Variants in SETBP1 observed in about 807,000 individuals in gnomAD.
The protein encoded by SETBP1 is SET binding protein 1.
Under a neutral mutation model 101.0 loss-of-function variants are expected in SETBP1, and 9 were observed. The ratio of observed to expected loss-of-function variants is 0.09; its 90% CI spans 0.05 to 0.16. The LOEUF is 0.16. SETBP1 is among the 10% of genes least tolerant of loss of function. The probability of loss-of-function intolerance (pLI) is 1.00; values close to 1 mark genes in which losing one functional copy is unlikely to be tolerated. For synonymous variants in SETBP1, 818 were observed against 788.5 expected, an observed-to-expected ratio of 1.04 and a Z score of -0.63; for missense variants, 1,858 against 2,033.8, an observed-to-expected ratio of 0.91 and a Z score of 1.66.
At chr18:45,005,654 T>C (rs1315215698) in intron 4 of SETBP1, among the ~76,000 whole-genome samples, 1 of 148,154 alleles carries the variant, frequency 6.7e-6, no homozygotes, top group Non-Finnish European at 1.5e-5. Flanking sequence ...TTTTTTTTTT[T>C]TTTTTTTTTT....
rs565214210 is a variant in SETBP1 at position 44,725,712 on chromosome 18, C to G, written c.486+23880C>G. On this transcript the variant is annotated intron_variant, in intron 2 of 5. Transcript: ENST00000649279. The stretch of plus-strand genomic sequence containing the variant: ...TGTGAGGTTGTGGCAGAGCTGGGAC[C>G]TCCTCCCCCTCGGCCCCCTGACTTC... Among the ~76,000 whole-genome samples the G allele has an allele frequency of 2.0e-5, 3 of 152,180 alleles. No homozygotes were observed. In the South Asian group the frequency reaches 6.2e-4, roughly 32 times the overall value.
At chr18:44,923,072 A>G (rs2070617593) in intron 3 of SETBP1, among the ~76,000 whole-genome samples, 1 of 152,206 alleles carries the variant, frequency 6.6e-6, no homozygotes, top group South Asian at 2.1e-4. Flanking sequence ...TACGTTGCAA[A>G]GAAGGATGGT....
chr18:44,782,504 C>A (rs1369148778), intron 2 of SETBP1, among the ~76,000 whole-genome samples: 1 of 151,948 alleles, frequency 6.6e-6, no homozygotes, highest in African/African-American at 2.4e-5. Flanking sequence ...TGAAGAAAGC[C>A]CTGTCAAGAG....
intron 2 of SETBP1, among the ~76,000 whole-genome samples, chr18:44,797,613 A>C (rs769972057): frequency 2.0e-5 from 3 of 152,124 alleles, no homozygotes; most frequent in Non-Finnish European, 2.9e-5. Flanking sequence ...CGAAAATGGT[A>C]GCTCTCTCTT....
chr18:44,761,307 A>G (rs949684680), intron 2 of SETBP1, among the ~76,000 whole-genome samples: 1 of 152,186 alleles, frequency 6.6e-6, no homozygotes, highest in African/African-American at 2.4e-5. Context: ...ATCTTGAACT[A>G]TACACTTCAT....
At chr18:44,995,569 G>GTGTA (rs2072480045) in intron 4 of SETBP1, among the ~76,000 whole-genome samples, 1 of 150,016 alleles carries the variant, frequency 6.7e-6, no homozygotes, top group African/African-American at 2.5e-5. Flanking sequence ...GTGTGTGTGT[G>GTGTA]TGTGTATAAA....
At chr18:45,012,249 A>C (rs894788106) in intron 4 of SETBP1, among the ~76,000 whole-genome samples, 3 of 152,242 alleles carry the variant, frequency 2.0e-5, no homozygotes, top group Non-Finnish European at 4.4e-5. Context: ...AACTAGGTCA[A>C]TCAAGAGGCA....
In SETBP1 at chr18:44,951,880, C is replaced by T. The variant is rs1485191703; in HGVS notation, c.2540C>T (p.Ser847Phe). Reference protein sequence around the residue: ...NSPSHLCEIGSLKEITLSPVS... With the variant: ...NSPSHLCEIGFLKEITLSPVS... The stretch of plus-strand genomic sequence containing the variant: ...CCTTCACACCTGTGCGAGATTGGCT[C>T]CCTAAAGGAAATCACGCTGTCCCCT... The change falls in exon 4 of 6, where the codon TCC (serine) becomes TTC (phenylalanine). Residue 847 changes from serine (S) to phenylalanine (F), a missense_variant. Around this residue, in one of 12 missense-constraint regions of SETBP1, gnomAD observed 121 missense variants for 138.0 expected, o/e 0.88. Transcript: ENST00000649279. This position sits in a 1 kb window ranked among gnomAD's most constrained non-coding sequence, Gnocchi z 7.8. 1.9e-6 allele frequency: 3 copies of T among 1,613,888 alleles called. No homozygotes were observed. Among genetic ancestry groups the T allele is most frequent in the Admixed American group, 1.7e-5 (1 of 59,994 alleles).
intron 1 of SETBP1, among the ~76,000 whole-genome samples, chr18:44,694,082 C>G (rs1350588978): frequency 6.6e-6 from 1 of 152,160 alleles, no homozygotes; most frequent in Non-Finnish European, 1.5e-5. Flanking sequence ...GTGAATCCAA[C>G]AGAAAAGACT....
chr18:44,826,749 G>A (rs2072248316), intron 2 of SETBP1, among the ~76,000 whole-genome samples: 1 of 152,204 alleles, frequency 6.6e-6, no homozygotes, highest in South Asian at 2.1e-4. Flanking sequence ...GAGAGGGGAA[G>A]GAGCTGCGGG....
At chr18:44,869,435 TCTC>T (rs2069218165) in intron 3 of SETBP1, 152 bp downstream of exon 3, 2 of 732,554 alleles carry the variant, frequency 2.7e-6, no homozygotes, top group African/African-American at 3.5e-5. Flanking sequence ...GGTGGCTTGC[TCTC>T]CTCCTCCAGC....
chr18:44,954,361 T>C (rs2071438216), intron 4 of SETBP1, among the ~76,000 whole-genome samples: 1 of 150,356 alleles, frequency 6.7e-6, no homozygotes, highest in Non-Finnish European at 1.5e-5. Context: ...AAAACAGTTC[T>C]TGTGTTCCCC....
At chr18:45,001,825 A>G (rs1454825028) in intron 4 of SETBP1, among the ~76,000 whole-genome samples, 1 of 152,116 alleles carries the variant, frequency 6.6e-6, no homozygotes, top group Non-Finnish European at 1.5e-5. Flanking sequence ...CCACTGCACT[A>G]CCTTCATGCT....
At chr18:44,777,101 A>G (rs1041542330) in intron 2 of SETBP1, among the ~76,000 whole-genome samples, 35 of 152,308 alleles carry the variant, frequency 2.3e-4, no homozygotes, top group African/African-American at 8.4e-4. Context: ...GGATCCCTTG[A>G]AGCCAGAAGG....
At chr18:44,689,195 T>C (rs2068887885) in intron 1 of SETBP1, among the ~76,000 whole-genome samples, 1 of 152,192 alleles carries the variant, frequency 6.6e-6, no homozygotes, top group Non-Finnish European at 1.5e-5. Context: ...AGCTTTGGCA[T>C]AGGGGCAGCA....
At chr18:45,020,823 G>A (rs1277321727) in intron 4 of SETBP1, among the ~76,000 whole-genome samples, 1 of 152,128 alleles carries the variant, frequency 6.6e-6, no homozygotes, top group Non-Finnish European at 1.5e-5. Context: ...TGAATCACTA[G>A]GTGTGCAAAA....
chr18:44,722,822 C>T (rs954119614), intron 2 of SETBP1, among the ~76,000 whole-genome samples: 1 of 152,160 alleles, frequency 6.6e-6, no homozygotes, highest in African/African-American at 2.4e-5. Flanking sequence ...TCCAGATTGG[C>T]CAAAGAAAAT....
intron 2 of SETBP1, among the ~76,000 whole-genome samples, chr18:44,713,531 G>C (rs188448073): frequency 6.6e-6 from 1 of 152,250 alleles, no homozygotes; most frequent in Admixed American, 6.5e-5. Flanking sequence ...TCTTCTAAAA[G>C]GTGTAAGTGG....
chr18:44,688,464 A>G (rs1407892281), intron 1 of SETBP1, among the ~76,000 whole-genome samples: 1 of 151,680 alleles, frequency 6.6e-6, no homozygotes, highest in Non-Finnish European at 1.5e-5. Flanking sequence ...TATTTGAGCA[A>G]TGAGACCTTT....
Sources: gnomAD v4.1 joint callset for allele counts (sites outside exome capture counted in the v4.1 genomes callset) on GRCh38, gnomAD v4.1.1 for gene constraint, gnomAD v4.1.1 regional missense constraint, Gnocchi (gnomAD v3.1) non-coding constraint, MANE v1.5 for transcripts, NCBI Gene and HGNC (gene_info 2026-07-23, HGNC 2026-07-21) for gene names.